ARHGEF17: variants seen among roughly 807,000 people sequenced by gnomAD.
The protein encoded by ARHGEF17 is 164 kDa Rho-specific guanine-nucleotide exchange factor.
In ARHGEF17, 80 loss-of-function variants were observed where a neutral mutation model predicts 174.0. That is an observed-to-expected ratio of 0.46 (90% CI 0.38 to 0.55). ARHGEF17 has a LOEUF of 0.55. Among genes scored for constraint, ARHGEF17 ranks in the 20% least tolerant of loss-of-function variants. The pLI, the probability that ARHGEF17 is intolerant of heterozygous loss-of-function variation, is 0.00. For synonymous variants in ARHGEF17, 1,311 were observed against 1,189.1 expected (o/e 1.10, Z -2.11); for missense variants, 2,886 against 2,839.7 (o/e 1.02, Z -0.37).
Position 73,361,126 on chromosome 11 carries a change from G to A in ARHGEF17, c.4459G>A (p.Ala1487Thr). 2 of 1,614,074 alleles carry A rather than the reference G, an allele frequency of 1.2e-6. No individual in the cohort carries two copies. The highest frequency in any genetic ancestry group is 1.7e-6 in the Non-Finnish European group (2 of 1,179,984). ...CTGTCTAGACCCTGAGTTCCTGAAG[G>A]CCATCCCCATCATGAAAACCCGCAG... ...KSCLDPEFLK[A>T]IPIMKTRSGM... The change falls in exon 12 of 21, where the codon GCC becomes ACC. Residue 1487 changes from alanine (A) to threonine (T), a missense_variant. Transcript: ENST00000263674.
chr11:73,310,082 C>G lies in ARHGEF17; in HGVS notation c.1444C>G (p.Leu482Val). 6.2e-7 allele frequency: 1 copy of G among 1,614,190 alleles called. No homozygotes were observed. The highest frequency in any genetic ancestry group is 8.5e-7 in the Non-Finnish European group (1 of 1,180,040). The change falls in exon 1 of 21, where the codon CTT (leucine) becomes GTT (valine). Residue 482 changes from leucine to valine, a missense_variant. Leu to Val is a conservative substitution (Grantham distance 32). This residue lies in a region of ARHGEF17 where 1,728 missense variants were observed against 1,461.2 expected (regional missense o/e 1.18). Coordinates refer to ENST00000263674, the MANE Select transcript of ARHGEF17 (RefSeq NM_014786.4). Reference sequence around the variant, plus strand: ...GCTTCTCAGTTTCCTGCGCTCAGACCTTTCAGAGCTGAGGGTCCGAAAACC... The same window carrying G: ...GCTTCTCAGTTTCCTGCGCTCAGACGTTTCAGAGCTGAGGGTCCGAAAACC... ...LTLLSFLRSD[L>V]SELRVRKPGG...
Position 73,363,210 on chromosome 11 carries a change from G to A in ARHGEF17, c.5001G>A (p.Glu1667=), listed in dbSNP as rs1472264356. ...RSTISSSFGN[E]ETPSSKEATA... ...AGAGACCTTTGTCTCCCTCAGATGA[G>A]GAGACCCCGAGTTCCAAGGAGGCCA... Residue 1667 remains glutamate, a synonymous_variant, in exon 15 of 21, where the codon GAG becomes GAA. Transcript: ENST00000263674. 1.3e-6 allele frequency: 2 copies of A among 1,561,024 alleles called. No homozygotes were observed. The highest frequency in any genetic ancestry group is 1.2e-5 in the South Asian group (1 of 84,982).
In ARHGEF17 at chr11:73,311,225, G is replaced by A. The variant is rs376703409; in HGVS notation, c.2587G>A (p.Glu863Lys). 3.1e-6 allele frequency: 5 copies of A among 1,606,454 alleles called. No individual in the cohort carries two copies. The highest frequency in any genetic ancestry group is 2.7e-5 in the African/African-American group (2 of 74,714). Residue 863 changes from glutamate (E) to lysine (K), a missense_variant, in exon 1 of 21, where the codon GAG becomes AAG. Glu to Lys is a moderately conservative substitution (Grantham distance 56). Coordinates refer to ENST00000263674, the MANE Select transcript of ARHGEF17 (RefSeq NM_014786.4). ...VEPMLPPSSSEPILVEQRAEP... is the reference protein window; with the variant it reads ...VEPMLPPSSSKPILVEQRAEP... ...GCCCATGCTGCCTCCATCCAGCAGC[G>A]AGCCCATCCTTGTAGAGCAGCGGGC...
chr11:73,327,477 G>A (rs1865120546), intron 1 of ARHGEF17, among the ~76,000 whole-genome samples: 1 of 152,276 alleles, frequency 6.6e-6, no homozygotes, highest in African/African-American at 2.4e-5. Flanking sequence ...GAGGCTGGCA[G>A]GTCTGAGGCC....
At chr11:73,315,493 C>T (rs778315206) in intron 1 of ARHGEF17, among the ~76,000 whole-genome samples, 10 of 152,204 alleles carry the variant, frequency 6.6e-5, no homozygotes, top group East Asian at 3.8e-4. Context: ...TGGCGGGGAA[C>T]CTGCGGGGGT....
At chr11:73,322,683 C>T (rs1865035337) in intron 1 of ARHGEF17, among the ~76,000 whole-genome samples, 1 of 152,070 alleles carries the variant, frequency 6.6e-6, no homozygotes, top group South Asian at 2.1e-4. Context: ...GGGAGAGGCT[C>T]TGTGTGGGCA....
At chr11:73,355,832 C>T in intron 4 of ARHGEF17, 29 bp from the exon 5 acceptor site, 1 of 1,612,868 alleles carries the variant, frequency 6.2e-7, no homozygotes, top group Non-Finnish European at 8.5e-7. Flanking sequence ...CATGTCATTC[C>T]TCACATGATG....
chr11:73,308,990 C>A lies in ARHGEF17; in HGVS notation c.352C>A (p.Pro118Thr). ...PAAAEEAAEGPARGAWPSVTE... is the reference protein window; with the variant it reads ...PAAAEEAAEGTARGAWPSVTE... ...GGCCGCGGAAGAAGCGGCCGAGGGC[C>A]CAGCGCGAGGAGCCTGGCCCAGCGT... The change falls in exon 1 of 21, where the codon CCA becomes ACA. Residue 118 changes from proline to threonine, a missense_variant. Physicochemically the swap from Pro to Thr is conservative, Grantham distance 38 (BLOSUM62 -1). Coordinates refer to ENST00000263674, the MANE Select transcript of ARHGEF17 (RefSeq NM_014786.4). 2.2e-6 allele frequency: 3 copies of A among 1,382,154 alleles called. No individual in the cohort carries two copies. Among genetic ancestry groups the A allele is most frequent in the Non-Finnish European group, 1.9e-6 (2 of 1,073,042 alleles). 85.6% of individuals were successfully genotyped at this position (1,382,154 alleles called of 1,614,324 possible). A position where few individuals can be genotyped will look rare whatever the true frequency, so the allele number is the denominator to read the frequency against.
rs760334086 is a variant in ARHGEF17 at position 73,311,136 on chromosome 11, G to A, written c.2498G>A (p.Arg833His). 1.0e-5 allele frequency: 16 copies of A among 1,598,630 alleles called. No individual in the cohort carries two copies. In the African/African-American group the frequency reaches 1.7e-4, roughly 17 times the overall value. The change falls in exon 1 of 21, where the codon CGC (arginine) becomes CAC (histidine). Residue 833 changes from arginine (R) to histidine (H), a missense_variant. Physicochemically the swap from Arg to His is conservative, Grantham distance 29. This residue lies in a region of ARHGEF17 where 1,728 missense variants were observed against 1,461.2 expected (regional missense o/e 1.18). Coordinates refer to ENST00000263674, the MANE Select transcript of ARHGEF17 (RefSeq NM_014786.4). The stretch of plus-strand genomic sequence containing the variant: ...AAGAAATCCCTGAGTGACCCCAGCC[G>A]CCGTGGGGAGCTGGCTGGGCCTGGA... ...PKKKSLSDPS[R>H]RGELAGPGFE...
At position 73,364,113 on chromosome 11, in the gene ARHGEF17, C is replaced by G; in HGVS notation, c.5334-59C>G. 2.6e-6 allele frequency: 4 copies of G among 1,560,260 alleles called. No individual in the cohort carries two copies. The South Asian group carries it at 4.5e-5, about 17-fold the overall frequency. On this transcript the variant is annotated intron_variant, in intron 16 of 20. Transcript: ENST00000263674. ...CATTCTATCTGTGGTTCCCCTGGTC[C>G]TGGGTGACCCACTTTGGCTGCCTGA...
At chr11:73,312,290 T>C (rs1864851836) in intron 1 of ARHGEF17, among the ~76,000 whole-genome samples, 3 of 152,198 alleles carry the variant, frequency 2.0e-5, no homozygotes, top group Admixed American at 2.0e-4. Context: ...GGTTTGCCCT[T>C]CTTCGTGTGG....
chr11:73,343,011 C>T, intron 1 of ARHGEF17: 1 of 249,304 alleles, frequency 4.0e-6, no homozygotes, highest in Non-Finnish European at 7.7e-6. Context: ...GCGACCGCCA[C>T]TGCGGCTGCC....
chr11:73,311,714 G>A lies in ARHGEF17; in HGVS notation c.3076G>A (p.Asp1026Asn). 6.2e-7 allele frequency: 1 copy of A among 1,613,308 alleles called. No individual in the cohort carries two copies. The highest frequency in any genetic ancestry group is 8.5e-7 in the Non-Finnish European group (1 of 1,180,032). ...SGEVPAPVPV[D>N]MPCLPLAAPP... ...TGAGGTCCCTGCCCCAGTGCCAGTG[G>A]ACATGCCCTGCTTGCCTCTGGCTGC... Residue 1026 changes from aspartate to asparagine, a missense_variant, in exon 1 of 21, where the codon GAC (aspartate) becomes AAC (asparagine). By Grantham distance (23) the Asp-to-Asn change is conservative. This residue lies in a region of ARHGEF17 where 1,728 missense variants were observed against 1,461.2 expected (regional missense o/e 1.18). Coordinates refer to ENST00000263674, the MANE Select transcript of ARHGEF17 (RefSeq NM_014786.4).
chr11:73,366,005 C>G (rs1276600040), intron 20 of ARHGEF17, 58 bp downstream of exon 20: 1 of 1,555,516 alleles, frequency 6.4e-7, no homozygotes, highest in African/African-American at 1.3e-5. Context: ...TTAGGACTCC[C>G]CACTATCCTG....
intron 1 of ARHGEF17, among the ~76,000 whole-genome samples, chr11:73,339,658 AGTT>A (rs1037036188): frequency 1.3e-5 from 2 of 152,158 alleles, no homozygotes; most frequent in Non-Finnish European, 2.9e-5. Context: ...GAGATGGGGA[AGTT>A]GTTAGCAGAT....
chr11:73,352,064 T>C (rs1865563478), intron 2 of ARHGEF17, among the ~76,000 whole-genome samples: 1 of 152,170 alleles, frequency 6.6e-6, no homozygotes, highest in Non-Finnish European at 1.5e-5. Context: ...GGCTCATGCC[T>C]ATAATCCCAG....
At position 73,309,325 on chromosome 11, in the gene ARHGEF17, C is replaced by T. The variant is rs745634500; in HGVS notation, c.687C>T (p.Ala229=). Residue 229 remains alanine, a synonymous_variant, in exon 1 of 21, where the codon GCC becomes GCT. Coordinates refer to ENST00000263674, the MANE Select transcript of ARHGEF17 (RefSeq NM_014786.4). ...CCCAACCGCAGGCCGGGGCCCGGGCCTCCTGCTCCTCCTCCTCCATCGCCG... is the reference window on the plus strand; with the variant it reads ...CCCAACCGCAGGCCGGGGCCCGGGCTTCCTGCTCCTCCTCCTCCATCGCCG... The part of the protein sequence containing the change: ...IFSQPQAGAR[A]SCSSSSIAAS... The T allele has an allele frequency of 1.3e-6, 2 of 1,588,352 alleles. No individual in the cohort carries two copies. The highest frequency in any genetic ancestry group is 1.8e-5 in the African/African-American group (1 of 56,970).
intron 1 of ARHGEF17, among the ~76,000 whole-genome samples, chr11:73,320,811 C>T (rs1865006275): frequency 6.6e-6 from 1 of 152,050 alleles, no homozygotes; most frequent in African/African-American, 2.4e-5. Flanking sequence ...CAGGCATGCG[C>T]CATCATGCCT....
intron 1 of ARHGEF17, among the ~76,000 whole-genome samples, chr11:73,322,789 G>A (rs1003518260): frequency 4.3e-4 from 66 of 152,148 alleles, no homozygotes; most frequent in Admixed American, 1.2e-3. Flanking sequence ...GAGAGGAAGG[G>A]CTGGGAGCAC....
Sources: allele counts gnomAD v4.1 joint callset (sites outside exome capture counted in the v4.1 genomes callset), GRCh38; gene constraint gnomAD v4.1.1; regional missense constraint gnomAD v4.1.1; transcripts MANE v1.5; gene names NCBI Gene and HGNC (gene_info 2026-07-23, HGNC 2026-07-21).